MGMT: variants seen among roughly 807,000 people sequenced by gnomAD.
MGMT encodes the protein methylated-DNA--protein-cysteine methyltransferase.
Under a neutral mutation model 15.9 loss-of-function variants are expected in MGMT, and 14 were observed. The ratio of observed to expected loss-of-function variants is 0.88; its 90% confidence interval spans 0.58 to 1.37. The LOEUF is 1.37. Ranked by LOEUF, MGMT falls within the 40% of genes most tolerant of loss-of-function variation. The pLI is 0.00. For synonymous variants in MGMT, 130 were observed against 118.2 expected (o/e 1.10, Z -0.65); for missense variants, 282 against 268.1 (o/e 1.05, Z -0.36).
intron 2 of MGMT, among the ~76,000 whole-genome samples, chr10:129,623,581 G>T (rs1392470198): frequency 6.6e-6 from 1 of 152,052 alleles, no homozygotes; most frequent in Non-Finnish European, 1.5e-5. Flanking sequence ...TCGCTGTTTT[G>T]CCCAGGATGG....
chr10:129,654,117 C>CTGA (rs1410012652), intron 2 of MGMT, among the ~76,000 whole-genome samples: 1 of 152,142 alleles, frequency 6.6e-6, no homozygotes, highest in African/African-American at 2.4e-5. Context: ...GGCTGCCTCG[C>CTGA]CGACCCCCGC....
At chr10:129,480,697 G>A (rs2119634782) in intron 1 of MGMT, among the ~76,000 whole-genome samples, 1 of 152,292 alleles carries the variant, frequency 6.6e-6, no homozygotes, top group East Asian at 1.9e-4. Flanking sequence ...GGGCAATATA[G>A]CAAGATCCCG....
chr10:129,680,365 C>G (rs1395596833), intron 2 of MGMT, among the ~76,000 whole-genome samples: 2 of 152,192 alleles, frequency 1.3e-5, no homozygotes, highest in Non-Finnish European at 2.9e-5. Context: ...AATAAAGCCC[C>G]CTTTCCAGCG....
intron 3 of MGMT, among the ~76,000 whole-genome samples, chr10:129,713,766 T>C (rs750373092): frequency 5.9e-4 from 90 of 152,080 alleles, no homozygotes; most frequent in Non-Finnish European, 1.2e-4. Flanking sequence ...GACGTTTACT[T>C]ACACCAGCCC....
At chr10:129,714,713 CA>C (rs1399254452) in intron 3 of MGMT, among the ~76,000 whole-genome samples, 5 of 152,190 alleles carry the variant, frequency 3.3e-5, no homozygotes, top group African/African-American at 4.8e-5. Context: ...CTAAGCCTAA[CA>C]TTCCTAATTT....
chr10:129,517,627 G>C (rs965914401), intron 1 of MGMT, among the ~76,000 whole-genome samples: 14 of 152,300 alleles, frequency 9.2e-5, no homozygotes, highest in African/African-American at 3.4e-4. Context: ...GCCGTATGTC[G>C]CACAAGGCTT....
intron 1 of MGMT, among the ~76,000 whole-genome samples, chr10:129,468,911 A>G (rs1845200797): frequency 1.1e-4 from 16 of 152,194 alleles, no homozygotes; most frequent in Admixed American, 1.0e-3. Context: ...ATCTGTATCA[A>G]AATAAGGATT....
At chr10:129,648,424 A>G (rs1453670168) in intron 2 of MGMT, among the ~76,000 whole-genome samples, 1 of 152,088 alleles carries the variant, frequency 6.6e-6, no homozygotes, top group East Asian at 1.9e-4. Context: ...TTCAATTTTC[A>G]GACTTTGCAT....
At chr10:129,667,403 T>C (rs777985726) in intron 2 of MGMT, among the ~76,000 whole-genome samples, 3 of 152,222 alleles carry the variant, frequency 2.0e-5, no homozygotes, top group Non-Finnish European at 4.4e-5. Flanking sequence ...TGCAGGCTCC[T>C]TTAATCCAGT....
intron 2 of MGMT, among the ~76,000 whole-genome samples, chr10:129,619,647 A>T (rs761403506): frequency 1.3e-5 from 2 of 152,198 alleles, no homozygotes; most frequent in African/African-American, 4.8e-5. Flanking sequence ...TAAAAAATAT[A>T]TGCAATACTA....
chr10:129,589,928 G>T (rs1365634849), intron 2 of MGMT, among the ~76,000 whole-genome samples: 1 of 152,242 alleles, frequency 6.6e-6, no homozygotes, highest in African/African-American at 2.4e-5. Context: ...CAAGGGAGGG[G>T]TCCCAGGTGG....
chr10:129,531,788 G>A (rs1207503497), intron 1 of MGMT, among the ~76,000 whole-genome samples: 3 of 148,282 alleles, frequency 2.0e-5, no homozygotes, highest in Non-Finnish European at 4.5e-5. Context: ...GTGGGGGTGG[G>A]GGGGGGTGGG....
intron 2 of MGMT, among the ~76,000 whole-genome samples, chr10:129,542,435 C>T (rs778173468): frequency 4.6e-5 from 7 of 152,182 alleles, no homozygotes; most frequent in Non-Finnish European, 7.4e-5. Flanking sequence ...AGACACTTGC[C>T]GCATTCACGT....
chr10:129,490,881 A>G (rs1780180968), intron 1 of MGMT, among the ~76,000 whole-genome samples: 1 of 152,224 alleles, frequency 6.6e-6, no homozygotes. Flanking sequence ...TAGAGATTAT[A>G]ATATACACCC....
At chr10:129,498,210 T>C (rs72831590) in intron 1 of MGMT, among the ~76,000 whole-genome samples, 3,593 of 152,360 alleles carry the variant, frequency 0.024, 86 homozygotes, top group Middle Eastern at 0.041. Context: ...GGGACATATG[T>C]CTGTCAGTTA....
At chr10:129,576,818 G>A (rs921227568) in intron 2 of MGMT, among the ~76,000 whole-genome samples, 19 of 152,196 alleles carry the variant, frequency 1.2e-4, no homozygotes, top group Admixed American at 4.6e-4. Flanking sequence ...TCCTTAAGCT[G>A]ATAAGCAACT....
intron 2 of MGMT, among the ~76,000 whole-genome samples, chr10:129,664,463 C>T (rs1442940771): frequency 6.6e-6 from 1 of 152,210 alleles, no homozygotes; most frequent in Non-Finnish European, 1.5e-5. Context: ...TTGGAATCAG[C>T]ATCATCTATA....
chr10:129,587,335 A>G (rs945327042), intron 2 of MGMT, among the ~76,000 whole-genome samples: 6 of 144,672 alleles, frequency 4.1e-5, no homozygotes, highest in Non-Finnish European at 7.6e-5. Flanking sequence ...TTTTTTTTGC[A>G]GTGTTTTATT....
At chr10:129,647,311 C>T (rs1038209657) in intron 2 of MGMT, among the ~76,000 whole-genome samples, 1 of 152,176 alleles carries the variant, frequency 6.6e-6, no homozygotes, top group East Asian at 1.9e-4. Flanking sequence ...ACATTCGACG[C>T]TCAAGTGTGT....
Sources: gnomAD v4.1 joint callset for allele counts (sites outside exome capture counted in the v4.1 genomes callset) on GRCh38, gnomAD v4.1.1 for gene constraint, MANE v1.5 for transcripts, NCBI Gene and HGNC (gene_info 2026-07-23, HGNC 2026-07-21) for gene names.